Variants in CACNA2D1 observed in about 807,000 individuals in gnomAD.
CACNA2D1 encodes voltage-dependent calcium channel subunit alpha-2/delta-1.
Under a neutral mutation model 171.5 loss-of-function variants are expected in CACNA2D1, and 53 were observed. The observed-to-expected ratio is 0.31, with a 90% confidence interval of 0.25 to 0.39. The LOEUF (loss-of-function observed/expected upper bound fraction) is 0.39. Among genes scored for constraint, CACNA2D1 ranks in the 10% least tolerant of loss-of-function variants. The pLI is 1.00. For missense variants in CACNA2D1, 903 were observed against 1,299.8 expected (o/e 0.69, Z 4.69); for synonymous variants, 442 against 443.1 (o/e 1.00, Z 0.03).
chr7:82,298,369 C>T (rs1453014722), intron 3 of CACNA2D1, among the ~76,000 whole-genome samples: 1 of 152,110 alleles, frequency 6.6e-6, no homozygotes, highest in African/African-American at 2.4e-5. Flanking sequence ...TGTCTTCTTT[C>T]TTCTTCTAAG....
intron 12 of CACNA2D1, among the ~76,000 whole-genome samples, chr7:82,020,077 C>A (rs2131011977): frequency 6.6e-6 from 1 of 152,290 alleles, no homozygotes; most frequent in South Asian, 2.1e-4. Flanking sequence ...TCCAAATTCA[C>A]CTTTCACACT....
At chr7:82,083,652 A>G (rs1406927681) in intron 7 of CACNA2D1, among the ~76,000 whole-genome samples, 1 of 152,132 alleles carries the variant, frequency 6.6e-6, no homozygotes, top group Non-Finnish European at 1.5e-5. Flanking sequence ...ATTTAAATCA[A>G]ACTTGGCTTT....
At chr7:82,084,489 G>A (rs541768346) in intron 7 of CACNA2D1, among the ~76,000 whole-genome samples, 1 of 152,222 alleles carries the variant, frequency 6.6e-6, no homozygotes, top group Admixed American at 6.5e-5. Flanking sequence ...TAAGATTGAT[G>A]GTAATTTCCT....
At chr7:82,314,975 CTT>C (rs35145517) in intron 3 of CACNA2D1, among the ~76,000 whole-genome samples, 17,312 of 123,598 alleles carry the variant, frequency 0.14, 721 homozygotes, top group South Asian at 0.22. Flanking sequence ...AGCATATTAT[CTT>C]TTTTTTTTTT....
In CACNA2D1 at chr7:82,007,811, C is replaced by CA. The variant is rs904424647; in HGVS notation, c.1363-56dup. On this transcript the variant is annotated intron_variant, in intron 15 of 38. Coordinates refer to ENST00000356860, the MANE Select transcript of CACNA2D1 (RefSeq NM_000722.4). ...ATTAAAATTACAATTTAAGCTTTGT[C>CA]AGAGTGCACTAACCTTTGATATCTG... 5.0e-6 allele frequency: 5 copies of CA among 993,354 alleles called. No homozygotes were observed. In the African/African-American group the frequency reaches 8.0e-5, roughly 16 times the overall value. The allele number at this position is 993,354 out of a possible 1,614,324, so 61.5% of individuals were successfully genotyped here.
chr7:82,079,509 T>C (rs1316496967), intron 7 of CACNA2D1, among the ~76,000 whole-genome samples: 1 of 151,830 alleles, frequency 6.6e-6, no homozygotes, highest in Non-Finnish European at 1.5e-5. Flanking sequence ...CTTGCCAACA[T>C]GGAGAAAACC....
chr7:82,061,746 A>G (rs966103347), intron 9 of CACNA2D1, among the ~76,000 whole-genome samples: 2 of 152,130 alleles, frequency 1.3e-5, no homozygotes, highest in Admixed American at 6.6e-5. Flanking sequence ...TTTTTCAAAG[A>G]CAGTTTGATG....
intron 35 of CACNA2D1, 71 bp downstream of exon 35, chr7:81,962,369 T>G: frequency 9.4e-7 from 1 of 1,062,860 alleles, no homozygotes; most frequent in Non-Finnish European, 1.4e-6. Context: ...CTGAATTTGT[T>G]GAACTTCAAG....
intron 10 of CACNA2D1, chr7:82,050,373 G>A (rs1235986774): frequency 1.8e-6 from 1 of 543,312 alleles, no homozygotes; most frequent in African/African-American, 1.9e-5. Flanking sequence ...CATAGCAACA[G>A]AGGAGCAGAG....
chr7:81,987,687 A>G (rs1797112770), intron 21 of CACNA2D1, among the ~76,000 whole-genome samples: 1 of 152,158 alleles, frequency 6.6e-6, no homozygotes, highest in Admixed American at 6.5e-5. Flanking sequence ...TTGTACAGTG[A>G]TTCAGAAAAG....
At position 82,078,751 on chromosome 7, in the gene CACNA2D1, T is replaced by C. The variant is rs115382834; in HGVS notation, c.658+6018A>G. Among the ~76,000 whole-genome samples, 1,431 of 152,210 alleles carry C rather than the reference T, an allele frequency of 9.4e-3. 17 individuals are homozygous for C. The highest frequency in any genetic ancestry group is 0.033 in the African/African-American group (1,353 of 41,528). On this transcript the variant is annotated intron_variant, in intron 7 of 38. Transcript: ENST00000356860. ...AATCATTTTGTTCAATCATCCCAAGTTACTGATGAAGAAACAGGTACAGAA... is the reference window on the plus strand; with the variant it reads ...AATCATTTTGTTCAATCATCCCAAGCTACTGATGAAGAAACAGGTACAGAA...
chr7:82,324,390 T>TA (rs1177282681), intron 3 of CACNA2D1, among the ~76,000 whole-genome samples: 15 of 90,448 alleles, frequency 1.7e-4, no homozygotes, highest in East Asian at 1.0e-3. Context: ...AGGAGTTGTT[T>TA]TAAAAAAAAA....
At chr7:82,209,929 C>A (rs1800393469) in intron 3 of CACNA2D1, among the ~76,000 whole-genome samples, 1 of 152,112 alleles carries the variant, frequency 6.6e-6, no homozygotes, top group Non-Finnish European at 1.5e-5. Flanking sequence ...AAACTTAAAT[C>A]ATCATGTTAA....
intron 3 of CACNA2D1, among the ~76,000 whole-genome samples, chr7:82,198,135 A>G (rs1290372913): frequency 6.6e-6 from 1 of 152,136 alleles, no homozygotes; most frequent in Non-Finnish European, 1.5e-5. Flanking sequence ...TATTTGCTGT[A>G]AACCAGGCAC....
At chr7:81,974,127 C>A (rs1444744328) in intron 25 of CACNA2D1, among the ~76,000 whole-genome samples, 1 of 151,796 alleles carries the variant, frequency 6.6e-6, no homozygotes, top group Non-Finnish European at 1.5e-5. Flanking sequence ...CTCTACCAGG[C>A]AAAATGCTAT....
At position 82,007,078 on chromosome 7, in the gene CACNA2D1, GATAA is replaced by G. The variant is rs563878432; in HGVS notation, c.1440+597_1440+600del. Among the ~76,000 whole-genome samples the G allele has an allele frequency of 8.6e-5, 13 of 151,752 alleles. No individual in the cohort carries two copies. The South Asian group carries it at 2.1e-3, about 24-fold the overall frequency. On this transcript the variant is annotated intron_variant, in intron 16 of 38. Transcript: ENST00000356860. The stretch of plus-strand genomic sequence containing the variant: ...AGCATTTAACAAATAATAAGTACAA[GATAA>G]ATAATTTTTAGAACTTTTAAATAGG...
chr7:82,340,341 G>T (rs1054633590), intron 2 of CACNA2D1, among the ~76,000 whole-genome samples: 153 of 133,174 alleles, frequency 1.1e-3, no homozygotes, highest in East Asian at 2.8e-3. Context: ...TTTGTTTTTT[G>T]TTTTTTTTTT....
rs547574929 is a variant in CACNA2D1, at chr7:82,433,017, C to G, written c.95+10348G>C. 2.0e-5 allele frequency among the ~76,000 whole-genome samples: 3 copies of G among 152,130 alleles called. No individual in the cohort carries two copies. In the East Asian group the frequency reaches 5.8e-4, roughly 30 times the overall value. On this transcript the variant is annotated intron_variant, in intron 1 of 38. Coordinates refer to ENST00000356860, the MANE Select transcript of CACNA2D1 (RefSeq NM_000722.4). ...CCTGACCAATATGGTGAAGCCCCAT[C>G]TCTACTAAATATACAAAAAAGTTAG...
chr7:82,071,791 A>C (rs1316497476), intron 7 of CACNA2D1, among the ~76,000 whole-genome samples: 5 of 152,158 alleles, frequency 3.3e-5, no homozygotes, highest in Non-Finnish European at 7.4e-5. Context: ...TGATGTAGCC[A>C]TGTGATCAAA....
Sources: gnomAD v4.1 joint callset for allele counts (sites outside exome capture counted in the v4.1 genomes callset) on GRCh38, gnomAD v4.1.1 for gene constraint, MANE v1.5 for transcripts, NCBI Gene and HGNC (gene_info 2026-07-23, HGNC 2026-07-21) for gene names.